Variants in ANGPTL6 observed in about 807,000 individuals in gnomAD.
The protein encoded by ANGPTL6 is angiopoietin-related protein 6.
A neutral mutation model predicts 47.4 loss-of-function variants in ANGPTL6; 45 were observed. The observed-to-expected ratio is 0.95, with a 90% CI of 0.75 to 1.22. The LOEUF is 1.22. Ranked by LOEUF, ANGPTL6 falls within the 50% of genes most tolerant of loss-of-function variation. The probability of loss-of-function intolerance (pLI) is 0.00; values close to 1 mark genes in which losing one functional copy is unlikely to be tolerated. For synonymous variants in ANGPTL6, 290 were observed against 295.9 expected (o/e 0.98, Z 0.20); for missense variants, 698 against 669.4 (o/e 1.04, Z -0.47).
At chr19:10,100,408 T>C (rs2088652131) in intron 1 of ANGPTL6, among the ~76,000 whole-genome samples, 1 of 152,122 alleles carries the variant, frequency 6.6e-6, no homozygotes, top group Admixed American at 6.5e-5. Context: ...CATGCCCAGC[T>C]ACTTTTTTGT....
At chr19:10,095,089 C>T in intron 2 of ANGPTL6, 151 bp from the exon 3 acceptor site, 1 of 866,724 alleles carries the variant, frequency 1.2e-6, no homozygotes, top group South Asian at 1.9e-5. Context: ...AATGATCCTC[C>T]CCAAAAGCTA....
At chr19:10,097,202 T>C (rs1599288571) in intron 1 of ANGPTL6, among the ~76,000 whole-genome samples, 2 of 152,046 alleles carry the variant, frequency 1.3e-5, no homozygotes, top group South Asian at 4.1e-4. Context: ...GCCTAGGAGT[T>C]GGAGACCAGC....
At chr19:10,103,925 T>A (rs558085042), upstream of ANGPTL6, among the ~76,000 whole-genome samples, 8 of 151,386 alleles carry the variant, frequency 5.3e-5, no homozygotes, top group Admixed American at 2.0e-4. Flanking sequence ...AAACCCCGTC[T>A]CTACTAAAAA....
upstream of ANGPTL6, among the ~76,000 whole-genome samples, chr19:10,105,515 G>C (rs2088797806): frequency 2.0e-5 from 3 of 151,988 alleles, no homozygotes; most frequent in Admixed American, 2.0e-4. Context: ...CACAGAGAAA[G>C]GAAACTTCTT....
chr19:10,104,779 G>A (rs2088776941), upstream of ANGPTL6, among the ~76,000 whole-genome samples: 1 of 152,194 alleles, frequency 6.6e-6, no homozygotes, highest in Admixed American at 6.5e-5. Flanking sequence ...GGTGGGCTGA[G>A]TGGGTCTTTA....
At chr19:10,101,871 C>T (rs2088688198) in intron 1 of ANGPTL6, among the ~76,000 whole-genome samples, 1 of 144,252 alleles carries the variant, frequency 6.9e-6, no homozygotes, top group South Asian at 2.2e-4. Flanking sequence ...CTTGGGAGGC[C>T]AAGGCAGGTG....
rs200296130 is a variant in ANGPTL6, at chr19:10,093,460, C to T, written c.1111G>A (p.Asp371Asn). ...YDGFSLEPES[D>N]HYRLRLGQYH... ...TGGCCAAGCCGCAGGCGGTAGTGGT[C>T]GCTCTCGGGTTCCAGGGAGAAGCCA... Residue 371 changes from aspartate (D) to asparagine (N), a missense_variant, in exon 5 of 6, where the codon GAC (aspartate) becomes AAC (asparagine). By Grantham distance (23) the Asp-to-Asn change is conservative (BLOSUM62 1). Transcript: ENST00000253109. 22 of 1,614,204 alleles carry T rather than the reference C, an allele frequency of 1.4e-5. No individual in the cohort carries two copies. The East Asian group carries it at 1.8e-4, about 13-fold the overall frequency.
chr19:10,096,439 A>C lies in ANGPTL6; in HGVS notation c.125T>G (p.Val42Gly). Residue 42 changes from valine (V) to glycine (G), a missense_variant, in exon 2 of 6, where the codon GTG becomes GGG. Transcript: ENST00000253109. ...CGTGGATGCGGGGCCGCTCCAGCACACAGCGCCCGTGAACTTCTGCGGGGG... is the reference window on the plus strand; with the variant it reads ...CGTGGATGCGGGGCCGCTCCAGCACCCAGCGCCCGTGAACTTCTGCGGGGG... ...VLPPQKFTGA[V>G]CWSGPASTRA... 2.1e-6 allele frequency: 3 copies of C among 1,443,830 alleles called. No individual in the cohort carries two copies. The highest frequency in any genetic ancestry group is 2.7e-6 in the Non-Finnish European group (3 of 1,107,586). 89.4% of individuals were successfully genotyped at this position (1,443,830 alleles called of 1,614,324 possible).
upstream of ANGPTL6, among the ~76,000 whole-genome samples, chr19:10,105,046 T>C (rs1010464670): frequency 6.6e-6 from 1 of 151,860 alleles, no homozygotes; most frequent in African/African-American, 2.4e-5. Context: ...AGGCCCAGGG[T>C]CTGAGACCTG....
At chr19:10,101,070 G>A (rs1422186918) in intron 1 of ANGPTL6, among the ~76,000 whole-genome samples, 1 of 151,988 alleles carries the variant, frequency 6.6e-6, no homozygotes, top group African/African-American at 2.4e-5. Context: ...TTAGCCAGGC[G>A]TAGTGGCACG....
Position 10,092,689 on chromosome 19 carries a change from T to C in ANGPTL6, c.1313A>G (p.Tyr438Cys). 1.2e-6 allele frequency: 2 copies of C among 1,614,002 alleles called. No homozygotes were observed. The highest frequency in any genetic ancestry group is 1.7e-6 in the Non-Finnish European group (2 of 1,179,914). Residue 438 changes from tyrosine to cysteine, a missense_variant, in exon 6 of 6, where the codon TAC becomes TGC. Physicochemically the swap from Tyr to Cys is radical, Grantham distance 194. Transcript: ENST00000253109. The part of the protein sequence containing the change: ...LNGVWHHGGH[Y>C]RSRYQDGVYW... Reference sequence around the variant, plus strand: ...GACACCATCCTGGTAGCGGCTTCGGTAGTGGCCGCCGTGGTGCCACACACC... The same window carrying C: ...GACACCATCCTGGTAGCGGCTTCGGCAGTGGCCGCCGTGGTGCCACACACC...
In ANGPTL6 at chr19:10,092,697, G is replaced by A. The variant is rs149485604; in HGVS notation, c.1305C>T (p.Gly435=). The change falls in exon 6 of 6, where the codon GGC becomes GGT. Residue 435 remains glycine (G), a synonymous_variant. Coordinates refer to ENST00000253109, the MANE Select transcript of ANGPTL6 (RefSeq NM_031917.3). Reference sequence around the variant, plus strand: ...CCTGGTAGCGGCTTCGGTAGTGGCCGCCGTGGTGCCACACACCGTTGAGGT... The same window carrying A: ...CCTGGTAGCGGCTTCGGTAGTGGCCACCGTGGTGCCACACACCGTTGAGGT... The part of the protein sequence containing the change: ...HSNLNGVWHH[G]GHYRSRYQDG... 2.2e-5 allele frequency: 36 copies of A among 1,613,850 alleles called. No homozygotes were observed. In the African/African-American group the frequency reaches 2.4e-4, roughly 11 times the overall value.
intron 1 of ANGPTL6, among the ~76,000 whole-genome samples, chr19:10,097,819 GC>G (rs894431065): frequency 6.6e-6 from 1 of 151,858 alleles, no homozygotes; most frequent in South Asian, 2.1e-4. Flanking sequence ...TGCCACTGCA[GC>G]CCAGCCTGGG....
At chr19:10,094,662 C>T (rs2088484899) in intron 3 of ANGPTL6, 96 bp downstream of exon 3, 1 of 1,444,086 alleles carries the variant, frequency 6.9e-7, no homozygotes, top group East Asian at 2.3e-5. Flanking sequence ...AGTATCATTT[C>T]TTCTGGTCTT....
upstream of ANGPTL6, chr19:10,106,168 C>A: frequency 1.4e-6 from 1 of 728,356 alleles, no homozygotes; most frequent in Non-Finnish European, 2.1e-6. Flanking sequence ...GGATTCGTTT[C>A]TCTGCAGCCC....
chr19:10,103,900 C>A (rs933783660), upstream of ANGPTL6, among the ~76,000 whole-genome samples: 2 of 151,156 alleles, frequency 1.3e-5, no homozygotes, highest in Admixed American at 1.3e-4. Context: ...CGAGACCAGC[C>A]TGGCCAAGAT....
chr19:10,093,854 G>A lies in ANGPTL6; in HGVS notation c.790C>T (p.Arg264Cys), dbSNP rs182345321. The change falls in exon 4 of 6, where the codon CGC becomes TGC. Residue 264 changes from arginine to cysteine, a missense_variant. Physicochemically the swap from Arg to Cys is radical, Grantham distance 180. Transcript: ENST00000253109. ...CCACTCTGTTCATGGCCTGCCTGGC[G>A]GGCCTCTGCACAATCCTGCCACGGG... ...VGPWQDCAEA[R>C]QAGHEQSGVY... 2.5e-4 allele frequency: 405 copies of A among 1,610,612 alleles called. 1 individual carries two copies. The highest frequency in any genetic ancestry group is 2.8e-4 in the Non-Finnish European group (327 of 1,180,018).
chr19:10,099,864 T>C (rs2088640552), intron 1 of ANGPTL6, among the ~76,000 whole-genome samples: 1 of 146,616 alleles, frequency 6.8e-6, no homozygotes, highest in Non-Finnish European at 1.5e-5. Flanking sequence ...TCTCTCTCTC[T>C]CTCTCTCTCT....
rs2088528017 is a variant in ANGPTL6, at chr19:10,096,181, A to G, written c.383T>C (p.Leu128Pro). Residue 128 changes from leucine (L) to proline (P), a missense_variant, in exon 2 of 6, where the codon CTG (leucine) becomes CCG (proline). By Grantham distance (98) the Leu-to-Pro change is moderately conservative. Coordinates refer to ENST00000253109, the MANE Select transcript of ANGPTL6 (RefSeq NM_031917.3). ...CAGCGCCGCGGCAGGCTCCGCCCCC[A>G]GATCCGCCCCCGGGCCCGCCCCGGG... ...AGPGAGPGADLGAEPAAALAL... is the reference protein window; with the variant it reads ...AGPGAGPGADPGAEPAAALAL... The G allele has an allele frequency of 2.4e-6, 3 of 1,271,350 alleles. No individual in the cohort carries two copies. The highest frequency in any genetic ancestry group is 1.6e-5 in the African/African-American group (1 of 64,194). 78.8% of individuals were successfully genotyped at this position (1,271,350 alleles called of 1,614,324 possible).
Sources: allele counts gnomAD v4.1 joint callset (sites outside exome capture counted in the v4.1 genomes callset), GRCh38; gene constraint gnomAD v4.1.1; transcripts MANE v1.5; gene names NCBI Gene and HGNC (gene_info 2026-07-23, HGNC 2026-07-21).